The following SECISBP2L variants were observed in gnomAD, a reference collection of about 807,000 sequenced individuals.
SECISBP2L encodes the protein SECIS binding protein 2 like, also known as selenocysteine insertion sequence-binding protein 2-like.
A neutral mutation model predicts 114.7 loss-of-function variants in SECISBP2L; 43 were observed. The ratio of observed to expected loss-of-function variants is 0.38; its 90% CI spans 0.29 to 0.48. SECISBP2L has a LOEUF of 0.48. Among genes scored for constraint, SECISBP2L ranks in the 20% least tolerant of loss-of-function variants. SECISBP2L has a pLI of 0.98. For missense variants in SECISBP2L, 1,136 were observed against 1,301.1 expected (o/e 0.87, Z 1.95); for synonymous variants, 451 against 439.7 (o/e 1.03, Z -0.32).
chr15:49,023,967 T>A (rs542405098), intron 7 of SECISBP2L, among the ~76,000 whole-genome samples: 6 of 152,302 alleles, frequency 3.9e-5, no homozygotes, highest in South Asian at 4.1e-4. Context: ...AATCTTTTTT[T>A]AAAAATCTCT....
chr15:48,993,100 A>AGTGTGTGTGTGTGT (rs71120653), intron 17 of SECISBP2L, among the ~76,000 whole-genome samples, 174 bp from the exon 18 acceptor site: 63 of 139,222 alleles, frequency 4.5e-4, no homozygotes, highest in African/African-American at 1.7e-3. Context: ...ACAGAGAGAG[A>AGTGTGTGTGTGTGT]GTGTGTGTGT....
At chr15:49,043,263 A>C (rs2141090205) in intron 1 of SECISBP2L, among the ~76,000 whole-genome samples, 1 of 152,338 alleles carries the variant, frequency 6.6e-6, no homozygotes, top group East Asian at 1.9e-4. Context: ...TTTATAAATT[A>C]TTTAAAGGAA....
At chr15:49,041,053 T>G (rs1595798290) in intron 1 of SECISBP2L, among the ~76,000 whole-genome samples, 2 of 152,302 alleles carry the variant, frequency 1.3e-5, no homozygotes, top group East Asian at 3.9e-4. Flanking sequence ...TCTCTACTTT[T>G]GCCAAGATCT....
intron 17 of SECISBP2L, among the ~76,000 whole-genome samples, chr15:48,995,487 C>T (rs1228344898): frequency 1.3e-5 from 2 of 151,944 alleles, no homozygotes; most frequent in African/African-American, 4.8e-5. Flanking sequence ...AAAATGAGGG[C>T]TCAGTTTTTT....
At chr15:49,040,787 C>T (rs1004456799) in intron 1 of SECISBP2L, among the ~76,000 whole-genome samples, 5 of 151,640 alleles carry the variant, frequency 3.3e-5, no homozygotes, top group African/African-American at 1.2e-4. Flanking sequence ...ATCCGCCCGC[C>T]TCGGCCTCCC....
At chr15:48,997,209 G>A (rs1158770226) in intron 16 of SECISBP2L, among the ~76,000 whole-genome samples, 3 of 152,196 alleles carry the variant, frequency 2.0e-5, no homozygotes, top group Non-Finnish European at 4.4e-5. Flanking sequence ...CTTGTTAGGG[G>A]AGCAGTAAAG....
At chr15:49,010,807 C>A (rs1200063076) in intron 13 of SECISBP2L, among the ~76,000 whole-genome samples, 4 of 152,212 alleles carry the variant, frequency 2.6e-5, no homozygotes, top group Non-Finnish European at 5.9e-5. Context: ...CCACTGCGCC[C>A]AGCCCACGTG....
Position 49,026,504 on chromosome 15 carries a change from A to T in SECISBP2L, c.1035+861T>A, listed in dbSNP as rs568637618. Reference sequence around the variant, plus strand: ...TACTTTATAACTATGTACAGTTATCATGTGTCGACTAGAAAGAAAAAAGTT... The same window carrying T: ...TACTTTATAACTATGTACAGTTATCTTGTGTCGACTAGAAAGAAAAAAGTT... On this transcript the variant is annotated intron_variant, in intron 7 of 17. Transcript: ENST00000559471. Among the ~76,000 whole-genome samples, 4 of 152,300 alleles carry T rather than the reference A, an allele frequency of 2.6e-5. No individual in the cohort carries two copies. In the South Asian group the frequency reaches 6.2e-4, roughly 24 times the overall value.
chr15:49,029,113 C>G (rs1902829372), intron 4 of SECISBP2L, among the ~76,000 whole-genome samples: 1 of 152,198 alleles, frequency 6.6e-6, no homozygotes, highest in African/African-American at 2.4e-5. Flanking sequence ...CTTGACCTCC[C>G]AAAATGCTGG....
chr15:49,019,572 G>T lies in SECISBP2L; in HGVS notation c.1036-20C>A. On this transcript the variant is annotated intron_variant, in intron 7 of 17. Transcript: ENST00000559471. ...TCCAACCTAAGTAAACCCCAGAGGG[G>T]AAAAAAAATCTAATTATTTTTAAAT... 1 of 1,427,056 alleles carries T rather than the reference G, an allele frequency of 7.0e-7. No homozygotes were observed. Among genetic ancestry groups the T allele is most frequent in the Non-Finnish European group, 9.1e-7 (1 of 1,101,022 alleles). The allele number at this position is 1,427,056 out of a possible 1,614,324, so 88.4% of individuals were successfully genotyped here.
chr15:49,008,924 T>C (rs72741937), intron 14 of SECISBP2L, among the ~76,000 whole-genome samples: 7,260 of 152,236 alleles, frequency 0.048, 256 homozygotes, highest in East Asian at 0.15. Flanking sequence ...GGAAAACTGA[T>C]AGTACAACAT....
At chr15:49,045,070 T>C (rs1424967135) in intron 1 of SECISBP2L, among the ~76,000 whole-genome samples, 1 of 152,200 alleles carries the variant, frequency 6.6e-6, no homozygotes, top group Non-Finnish European at 1.5e-5. Context: ...GTCACATAAA[T>C]GCCTAAGTGT....
At chr15:49,046,105 G>A (rs1438808121) in intron 1 of SECISBP2L, among the ~76,000 whole-genome samples, 171 bp downstream of exon 1, 1 of 152,232 alleles carries the variant, frequency 6.6e-6, no homozygotes, top group Non-Finnish European at 1.5e-5. Flanking sequence ...CCAAGTCCCA[G>A]GCAGCAGCTG....
intron 17 of SECISBP2L, among the ~76,000 whole-genome samples, chr15:48,994,073 T>A (rs1902041697): frequency 6.6e-6 from 1 of 151,956 alleles, no homozygotes; most frequent in Non-Finnish European, 1.5e-5. Flanking sequence ...GCTACTTTAG[T>A]GTAGAATGAG....
Position 48,999,998 on chromosome 15 carries a change from C to T in SECISBP2L, c.2249-11G>A. On this transcript the variant is annotated splice_polypyrimidine_tract_variant and intron_variant, in intron 15 of 17. Transcript: ENST00000559471. ...CCTCATCCAGACCACCTGAGAAAATCAACACATGCAGACGCCTTTAGTTGT... is the reference window on the plus strand; with the variant it reads ...CCTCATCCAGACCACCTGAGAAAATTAACACATGCAGACGCCTTTAGTTGT... 2 of 1,612,894 alleles carry T rather than the reference C, an allele frequency of 1.2e-6. No homozygotes were observed. Among genetic ancestry groups the T allele is most frequent in the Non-Finnish European group, 8.5e-7 (1 of 1,179,284 alleles).
chr15:48,994,853 AAAAAAAC>A (rs1566850662), intron 17 of SECISBP2L, among the ~76,000 whole-genome samples: 3 of 152,006 alleles, frequency 2.0e-5, no homozygotes, highest in Non-Finnish European at 4.4e-5. Context: ...AAAAAAAAAA[AAAAAAAC>A]AGTCTAGTAA....
rs1202825624 is a variant in SECISBP2L, at chr15:49,031,218, T to C, written c.664+1747A>G. On this transcript the variant is annotated intron_variant, in intron 4 of 17. Transcript: ENST00000559471. ...ACGTGCCACCACACAGAGCTGATTTTTATATTTTTTAGTAGAGATGGGGTT... is the reference window on the plus strand; with the variant it reads ...ACGTGCCACCACACAGAGCTGATTTCTATATTTTTTAGTAGAGATGGGGTT... 2.3e-4 allele frequency among the ~76,000 whole-genome samples: 35 copies of C among 151,990 alleles called. 2 individuals are homozygous for C.
At chr15:49,007,330 G>C (rs752573960) in intron 14 of SECISBP2L, among the ~76,000 whole-genome samples, 16 of 152,338 alleles carry the variant, frequency 1.1e-4, no homozygotes, top group Non-Finnish European at 1.9e-4. Context: ...GCTGTGCTGG[G>C]AGATCCACTG....
At chr15:49,015,493 T>C (rs932922737) in intron 11 of SECISBP2L, among the ~76,000 whole-genome samples, 1 of 152,180 alleles carries the variant, frequency 6.6e-6, no homozygotes. Flanking sequence ...TAATAAGTAA[T>C]AGTCCCTTCA....
Sources: gnomAD v4.1 joint callset for allele counts (sites outside exome capture counted in the v4.1 genomes callset) on GRCh38, gnomAD v4.1.1 for gene constraint, MANE v1.5 for transcripts, NCBI Gene and HGNC (gene_info 2026-07-23, HGNC 2026-07-21) for gene names.